NELL1: variants seen among roughly 807,000 people sequenced by gnomAD.
NELL1 encodes protein kinase C-binding protein NELL1.
A neutral mutation model predicts 107.4 loss-of-function variants in NELL1; 76 were observed. The observed-to-expected ratio is 0.71, with a 90% CI of 0.59 to 0.86. The LOEUF is 0.86. Ranked by LOEUF, NELL1 falls within the 40% of genes least tolerant of loss-of-function variation. The pLI, the probability that NELL1 is intolerant of heterozygous loss-of-function variation, is 0.00. For synonymous variants in NELL1, 353 were observed against 341.2 expected (o/e 1.03, Z -0.38); for missense variants, 1,024 against 1,005.5 (o/e 1.02, Z -0.25).
chr11:21,053,052 T>C (rs951570079), intron 12 of NELL1, among the ~76,000 whole-genome samples: 1 of 152,060 alleles, frequency 6.6e-6, no homozygotes, highest in Non-Finnish European at 1.5e-5. Flanking sequence ...CTGGAGCCCA[T>C]TTGCAGGAGG....
chr11:20,756,620 G>A (rs577187675), intron 2 of NELL1, among the ~76,000 whole-genome samples: 2 of 143,272 alleles, frequency 1.4e-5, no homozygotes, highest in South Asian at 2.3e-4. Context: ...CTTGGCCTCC[G>A]AAAGTGCTGG....
At chr11:21,129,072 T>G (rs907755944) in intron 13 of NELL1, among the ~76,000 whole-genome samples, 1 of 152,210 alleles carries the variant, frequency 6.6e-6, no homozygotes, top group African/African-American at 2.4e-5. Flanking sequence ...CTAGCTCCCT[T>G]TTCCTCTTGA....
intron 8 of NELL1, 145 bp from the exon 9 acceptor site, chr11:20,928,232 A>G (rs1047973034): frequency 9.1e-6 from 7 of 766,060 alleles, no homozygotes; most frequent in Admixed American, 2.0e-5. Context: ...AAAACACTTC[A>G]TCTGTGGTCC....
intron 15 of NELL1, among the ~76,000 whole-genome samples, chr11:21,481,810 T>C (rs1427267567): frequency 2.0e-5 from 3 of 152,162 alleles, no homozygotes; most frequent in Admixed American, 6.5e-5. Flanking sequence ...GACAAGTATC[T>C]GAAAAAAAGA....
intron 15 of NELL1, among the ~76,000 whole-genome samples, chr11:21,437,963 T>A (rs1345229077): frequency 6.6e-6 from 1 of 152,210 alleles, no homozygotes; most frequent in Non-Finnish European, 1.5e-5. Flanking sequence ...GTTTTGTGTA[T>A]GTTTTGTTGC....
chr11:21,423,861 C>T (rs767839690), intron 15 of NELL1, among the ~76,000 whole-genome samples: 13 of 152,066 alleles, frequency 8.5e-5, no homozygotes, highest in Non-Finnish European at 1.3e-4. Context: ...ATAAACAGGA[C>T]GTTTTAAAAT....
chr11:21,262,076 C>T (rs979192234), intron 14 of NELL1, among the ~76,000 whole-genome samples: 8 of 151,762 alleles, frequency 5.3e-5, no homozygotes, highest in African/African-American at 1.7e-4. Flanking sequence ...CATAGCTCTT[C>T]GTTCCTCTTG....
intron 13 of NELL1, among the ~76,000 whole-genome samples, chr11:21,188,510 C>A (rs1228724800): frequency 6.6e-6 from 1 of 151,870 alleles, no homozygotes; most frequent in African/African-American, 2.4e-5. Context: ...TTTCTTTACT[C>A]ATTCTCACAG....
rs375268821 is a variant in NELL1, at chr11:20,823,106, A to G, written c.336-24477A>G. Among the ~76,000 whole-genome samples the G allele has an allele frequency of 7.9e-4, 113 of 142,884 alleles. 3 individuals are homozygous for G. Among genetic ancestry groups the G allele is most frequent in the Non-Finnish European group, 1.6e-3 (96 of 61,678 alleles). 93.7% of individuals were successfully genotyped at this position (142,884 alleles called of 152,430 possible). A position where few individuals can be genotyped will look rare whatever the true frequency, so the allele number is the denominator to read the frequency against. ...CTGTTTTCCAGCTGCTGATAAAGGCATACCTGAGACTGGGCAATTTACAAA... is the reference window on the plus strand; with the variant it reads ...CTGTTTTCCAGCTGCTGATAAAGGCGTACCTGAGACTGGGCAATTTACAAA... On this transcript the variant is annotated intron_variant, in intron 3 of 19. Transcript: ENST00000357134.
chr11:21,091,385 T>C (rs1854516571), intron 12 of NELL1, among the ~76,000 whole-genome samples: 1 of 152,038 alleles, frequency 6.6e-6, no homozygotes, highest in Non-Finnish European at 1.5e-5. Flanking sequence ...AATAAAGTTA[T>C]TTCTAAGCCA....
intron 12 of NELL1, among the ~76,000 whole-genome samples, chr11:20,969,732 C>T (rs1174247538): frequency 6.6e-6 from 1 of 151,920 alleles, no homozygotes; most frequent in African/African-American, 2.4e-5. Context: ...TATCATTTAG[C>T]AGCCGGGTAA....
At chr11:20,717,273 T>C (rs571575052) in intron 2 of NELL1, among the ~76,000 whole-genome samples, 4 of 152,204 alleles carry the variant, frequency 2.6e-5, no homozygotes, top group Non-Finnish European at 5.9e-5. Flanking sequence ...TGCTCTGTTA[T>C]AAGTAATTTG....
At chr11:20,696,244 T>A (rs1292464321) in intron 2 of NELL1, among the ~76,000 whole-genome samples, 2 of 152,130 alleles carry the variant, frequency 1.3e-5, no homozygotes, top group Non-Finnish European at 2.9e-5. Context: ...TTTCATTGAT[T>A]CTTTGGGTGG....
chr11:21,521,321 A>G (rs532201413), intron 15 of NELL1, among the ~76,000 whole-genome samples: 3 of 152,124 alleles, frequency 2.0e-5, no homozygotes, highest in Admixed American at 2.0e-4. Context: ...TTTTGATTTG[A>G]TATCTGTTTA....
chr11:21,525,243 G>A (rs562818366), intron 15 of NELL1, among the ~76,000 whole-genome samples: 3 of 152,176 alleles, frequency 2.0e-5, no homozygotes, highest in Admixed American at 2.0e-4. Context: ...GAGCTATATT[G>A]TCAATACTAC....
chr11:21,574,790 A>T (rs534462275), intron 19 of NELL1, among the ~76,000 whole-genome samples, 182 bp from the exon 20 acceptor site: 2 of 151,862 alleles, frequency 1.3e-5, no homozygotes, highest in Non-Finnish European at 2.9e-5. Context: ...AGGGTCTGTC[A>T]GTCCTTCCTT....
At chr11:20,682,097 A>G (rs1854202778) in intron 2 of NELL1, among the ~76,000 whole-genome samples, 2 of 152,086 alleles carry the variant, frequency 1.3e-5, no homozygotes, top group Non-Finnish European at 2.9e-5. Flanking sequence ...TAAAATATGA[A>G]TATCTTTTGG....
intron 13 of NELL1, among the ~76,000 whole-genome samples, chr11:21,131,909 G>A (rs1314103730): frequency 1.3e-5 from 2 of 152,154 alleles, no homozygotes; most frequent in Admixed American, 6.5e-5. Flanking sequence ...TGTCACACAA[G>A]TGATCAAAGA....
At chr11:21,374,368 T>C (rs1480059983) in intron 15 of NELL1, among the ~76,000 whole-genome samples, 1 of 152,030 alleles carries the variant, frequency 6.6e-6, no homozygotes, top group Non-Finnish European at 1.5e-5. Flanking sequence ...CATGTGGCGA[T>C]TGGCAGGAGG....
Sources: gnomAD v4.1 joint callset for allele counts (sites outside exome capture counted in the v4.1 genomes callset) on GRCh38, gnomAD v4.1.1 for gene constraint, MANE v1.5 for transcripts, NCBI Gene and HGNC (gene_info 2026-07-23, HGNC 2026-07-21) for gene names.